LDLRAP1: variants seen among roughly 807,000 people sequenced by gnomAD.
LDLRAP1 encodes low density lipoprotein receptor adapter protein 1.
LDLRAP1 carries 30 observed loss-of-function variants against 37.8 expected under a neutral mutation model. That is an observed-to-expected ratio of 0.79 (90% CI 0.59 to 1.08). The LOEUF (loss-of-function observed/expected upper bound fraction) is 1.08, where lower values mean the gene tolerates loss of function less well. Ranked by LOEUF, LDLRAP1 falls within the 50% of genes least tolerant of loss-of-function variation. The pLI is 0.00. For missense variants in LDLRAP1, 375 were observed against 401.6 expected, an observed-to-expected ratio of 0.93 and a Z score of 0.57; for synonymous variants, 156 against 169.8, an observed-to-expected ratio of 0.92 and a Z score of 0.63.
the LDLRAP1 span, among the ~76,000 whole-genome samples, chr1:25,585,623 C>T: frequency 2.0e-5 from 3 of 152,226 alleles, no homozygotes; most frequent in Admixed American, 6.5e-5. Flanking sequence ...CTGTGCCTTA[C>T]GGAAGCTGGG....
At chr1:25,585,492 AC>A in the LDLRAP1 span, among the ~76,000 whole-genome samples, 1 of 151,994 alleles carries the variant, frequency 6.6e-6, no homozygotes, top group Non-Finnish European at 1.5e-5. Flanking sequence ...CGCCTGGCTA[AC>A]TTTTTGTATT....
the LDLRAP1 span, among the ~76,000 whole-genome samples, chr1:25,589,670 A>G: frequency 6.6e-6 from 1 of 152,216 alleles, no homozygotes; most frequent in Non-Finnish European, 1.5e-5. Context: ...CCCGCCCTCC[A>G]GCACTGAAGC....
Position 25,543,706 on chromosome 1 carries a change from C to T in LDLRAP1, c.8C>T (p.Ala3Val), listed in dbSNP as rs1368820839. The T allele has an allele frequency of 4.1e-6, 5 of 1,215,028 alleles. No individual in the cohort carries two copies. The African/African-American group carries it at 4.7e-5, about 11-fold the overall frequency. 75.3% of individuals were successfully genotyped at this position (1,215,028 alleles called of 1,614,324 possible). The change falls in exon 1 of 9, where the codon GCG becomes GTG. Residue 3 changes from alanine to valine, a missense_variant. Coordinates refer to ENST00000374338, the MANE Select transcript of LDLRAP1 (RefSeq NM_015627.3). ...CGGCGGCCGGAGCGGGCCATGGACG[C>T]GCTCAAGTCGGCGGGGCGGGCGCTG... MDALKSAGRALIR... is the reference protein window; with the variant it reads MDVLKSAGRALIR...
At chr1:25,557,351 G>A (rs111288517) in intron 4 of LDLRAP1, 84 bp downstream of exon 4, 16,495 of 1,073,888 alleles carry the variant, frequency 0.015, 162 homozygotes, top group African/African-American at 0.035. Context: ...GGTGTGGGAG[G>A]CAGGACCCAA....
At chr1:25,584,495 C>T in the LDLRAP1 span, among the ~76,000 whole-genome samples, 1 of 152,202 alleles carries the variant, frequency 6.6e-6, no homozygotes, top group Non-Finnish European at 1.5e-5. Flanking sequence ...AAGTTGGCCA[C>T]ACCAGCAGAG....
Position 25,556,027 on chromosome 1 carries a change from C to T in LDLRAP1, c.344+1055C>T, listed in dbSNP as rs536134781. Among the ~76,000 whole-genome samples the T allele has an allele frequency of 2.0e-5, 3 of 152,182 alleles. No homozygotes were observed. In the South Asian group the frequency reaches 6.2e-4, roughly 32 times the overall value. ...AATAATAGGATCTAGTTTGTTGTTA[C>T]CAAGGACCCAGTAACATTTAGAGCA... On this transcript the variant is annotated intron_variant, in intron 3 of 8. Coordinates refer to ENST00000374338, the MANE Select transcript of LDLRAP1 (RefSeq NM_015627.3).
At position 25,554,173 on chromosome 1, in the gene LDLRAP1, GC is replaced by G. The variant is rs1431205952; in HGVS notation, c.231+112del. On this transcript the variant is annotated intron_variant, in intron 2 of 8. Coordinates refer to ENST00000374338, the MANE Select transcript of LDLRAP1 (RefSeq NM_015627.3). The surrounding 1 kb of genome is among the most constrained non-coding windows in gnomAD (Gnocchi z 5.4). Reference sequence around the variant, plus strand: ...CTCCAGTTGGGTGTGTCTGAGCCTGGCCCTGCCCTTCATTCTCCTTCCATCC... The same window carrying G: ...CTCCAGTTGGGTGTGTCTGAGCCTGGCCTGCCCTTCATTCTCCTTCCATCC... 5 of 1,369,398 alleles carry G rather than the reference GC, an allele frequency of 3.7e-6. No individual in the cohort carries two copies. Among genetic ancestry groups the G allele is most frequent in the Non-Finnish European group, 5.1e-6 (5 of 987,026 alleles). 84.8% of individuals were successfully genotyped at this position (1,369,398 alleles called of 1,614,324 possible).
chr1:25,584,835 C>A, the LDLRAP1 span, among the ~76,000 whole-genome samples: 1 of 152,166 alleles, frequency 6.6e-6, no homozygotes, highest in African/African-American at 2.4e-5. Context: ...TGGCTCTGAA[C>A]CCCAGCTGTC....
At chr1:25,588,566 C>T in the LDLRAP1 span, among the ~76,000 whole-genome samples, 1 of 152,172 alleles carries the variant, frequency 6.6e-6, no homozygotes, top group Non-Finnish European at 1.5e-5. Flanking sequence ...CACCTGTTTA[C>T]CTGCTGACCC....
chr1:25,562,202 C>T (rs2044358431), intron 4 of LDLRAP1, among the ~76,000 whole-genome samples: 1 of 152,208 alleles, frequency 6.6e-6, no homozygotes, highest in Admixed American at 6.5e-5. Flanking sequence ...CTGGGCCCTT[C>T]CAATTCTGGC....
At chr1:25,578,009 T>C in the LDLRAP1 span, among the ~76,000 whole-genome samples, 1 of 152,200 alleles carries the variant, frequency 6.6e-6, no homozygotes, top group Non-Finnish European at 1.5e-5. Context: ...GGGACGTAGC[T>C]CTGTCATCAG....
At chr1:25,574,338 C>G in the LDLRAP1 span, among the ~76,000 whole-genome samples, 12 of 152,172 alleles carry the variant, frequency 7.9e-5, no homozygotes, top group African/African-American at 2.9e-4. Flanking sequence ...GCTGCACAGC[C>G]AGGGGCAATG....
At position 25,568,856 on chromosome 1, in the gene LDLRAP1, AAAT is replaced by A. The variant is rs1295822681; in HGVS notation, c.*1870_*1872del. On this transcript the variant is annotated 3_prime_UTR_variant, in exon 9 of 9. Coordinates refer to ENST00000374338, the MANE Select transcript of LDLRAP1 (RefSeq NM_015627.3). ...TGTGAAACTTTAATGAGGAAAAAACAAATAATAAATGTTCTCGTTTTGAAACTC... is the reference window on the plus strand; with the variant it reads ...TGTGAAACTTTAATGAGGAAAAAACAAATAAATGTTCTCGTTTTGAAACTC... 1 of 152,250 alleles carries A rather than the reference AAAT, an allele frequency of 6.6e-6. No homozygotes were observed. The highest frequency in any genetic ancestry group is 1.5e-5 in the Non-Finnish European group (1 of 68,034). The allele number at this position is 152,250 out of a possible 1,614,324, so 9.4% of individuals were successfully genotyped here.
At chr1:25,573,546 A>G (rs1432977726), downstream of LDLRAP1, among the ~76,000 whole-genome samples, 1 of 152,166 alleles carries the variant, frequency 6.6e-6, no homozygotes, top group Non-Finnish European at 1.5e-5. Flanking sequence ...AGGGAAGGGA[A>G]GGGAAATGGT....
At chr1:25,552,149 T>C (rs2044086677) in intron 1 of LDLRAP1, among the ~76,000 whole-genome samples, 1 of 151,992 alleles carries the variant, frequency 6.6e-6, no homozygotes, top group African/African-American at 2.4e-5. Context: ...GGATAGGAGC[T>C]GAGAGGGGCA....
At chr1:25,571,097 A>G (rs931755842), downstream of LDLRAP1, among the ~76,000 whole-genome samples, 1 of 152,212 alleles carries the variant, frequency 6.6e-6, no homozygotes, top group African/African-American at 2.4e-5. Flanking sequence ...TCCACTGCAC[A>G]GTGCCTCTCC....
chr1:25,562,765 C>A, intron 5 of LDLRAP1, 49 bp downstream of exon 5: 1 of 1,534,172 alleles, frequency 6.5e-7, no homozygotes, highest in Non-Finnish European at 9.0e-7. Flanking sequence ...TGGGGAGACA[C>A]ATAAAGGCCC....
At chr1:25,550,561 T>G (rs994872333) in intron 1 of LDLRAP1, among the ~76,000 whole-genome samples, 2 of 152,126 alleles carry the variant, frequency 1.3e-5, no homozygotes, top group African/African-American at 4.8e-5. Context: ...GTAGGGGGTA[T>G]GTAGGGATAT....
In LDLRAP1 at chr1:25,563,140, C is replaced by G. The variant is rs1357309888; in HGVS notation, c.603C>G (p.Pro201=). The G allele has an allele frequency of 3.7e-6, 6 of 1,607,178 alleles. No homozygotes were observed. The South Asian group carries it at 6.6e-5, about 18-fold the overall frequency. Residue 201 remains proline, a synonymous_variant, in exon 6 of 9, where the codon CCC becomes CCG. Transcript: ENST00000374338. ...DVLGARQDCT[P]SLKSLVATGN... ...TGGGGGCCCGCCAAGACTGCACCCC[C>G]TCCTTGAAGAGCTGTGAGTCCTGAC...
Sources: allele counts gnomAD v4.1 joint callset (sites outside exome capture counted in the v4.1 genomes callset), GRCh38; gene constraint gnomAD v4.1.1; non-coding constraint Gnocchi (gnomAD v3.1); transcripts MANE v1.5; gene names NCBI Gene and HGNC (gene_info 2026-07-23, HGNC 2026-07-21).